ROBO2: variants seen among roughly 807,000 people sequenced by gnomAD.
ROBO2 encodes roundabout guidance receptor 2.
A neutral mutation model predicts 160.8 loss-of-function variants in ROBO2; 53 were observed. The ratio of observed to expected loss-of-function variants is 0.33; its 90% CI spans 0.26 to 0.41. The LOEUF (loss-of-function observed/expected upper bound fraction) is 0.41, where lower values mean the gene tolerates loss of function less well. Among genes scored for constraint, ROBO2 ranks in the 10% least tolerant of loss-of-function variants. The probability of loss-of-function intolerance (pLI) is 1.00; values close to 1 mark genes in which losing one functional copy is unlikely to be tolerated. For missense variants in ROBO2, 1,577 were observed against 1,722.4 expected, an observed-to-expected ratio of 0.92 and a Z score of 1.49; for synonymous variants, 664 against 611.7, an observed-to-expected ratio of 1.09 and a Z score of -1.26.
Position 77,644,340 on chromosome 3 carries a change from G to A in ROBO2, c.3935-364G>A, listed in dbSNP as rs192867006. On this transcript the variant is annotated intron_variant, in intron 24 of 25. Transcript: ENST00000461745. ...AAACATGTTTCTTTAATCTTAATGG[G>A]AAAATTAAATTGGAGCCTCATTGAA... Among the ~76,000 whole-genome samples the A allele has an allele frequency of 1.7e-4, 26 of 152,194 alleles. No homozygotes were observed. In the East Asian group the frequency reaches 4.8e-3, roughly 28 times the overall value.
At chr3:76,237,607 T>A (rs1356636559) in intron 2 of ROBO2, among the ~76,000 whole-genome samples, 1 of 152,112 alleles carries the variant, frequency 6.6e-6, no homozygotes, top group East Asian at 1.9e-4. Flanking sequence ...AATAAATAAA[T>A]AAATACCTAC....
At chr3:77,499,545 A>T (rs1432728076) in intron 5 of ROBO2, among the ~76,000 whole-genome samples, 1 of 152,170 alleles carries the variant, frequency 6.6e-6, no homozygotes, top group Non-Finnish European at 1.5e-5. Flanking sequence ...ATGCTAAAAA[A>T]ATATAAAATA....
intron 2 of ROBO2, among the ~76,000 whole-genome samples, chr3:77,265,194 A>T (rs1361654406): frequency 6.6e-6 from 1 of 152,048 alleles, no homozygotes; most frequent in Non-Finnish European, 1.5e-5. Context: ...CATTATCCCC[A>T]TTTTCCAATT....
At chr3:77,159,960 C>T (rs1418556840) in intron 2 of ROBO2, among the ~76,000 whole-genome samples, 1 of 151,948 alleles carries the variant, frequency 6.6e-6, no homozygotes, top group Non-Finnish European at 1.5e-5. Flanking sequence ...TTTAGAAGTT[C>T]TTTGTTTCTT....
At chr3:76,852,319 G>C (rs1577045950) in intron 2 of ROBO2, among the ~76,000 whole-genome samples, 2 of 152,180 alleles carry the variant, frequency 1.3e-5, no homozygotes, top group African/African-American at 4.8e-5. Context: ...TAATTAAAGG[G>C]AGAGTATATT....
At chr3:77,437,668 T>A (rs1198773303) in intron 2 of ROBO2, among the ~76,000 whole-genome samples, 1 of 152,032 alleles carries the variant, frequency 6.6e-6, no homozygotes, top group Non-Finnish European at 1.5e-5. Context: ...ATCGTAAGCT[T>A]ACAGATAAGT....
chr3:76,092,413 G>A lies in ROBO2; in HGVS notation c.109+154811G>A, dbSNP rs9817029. The stretch of plus-strand genomic sequence containing the variant: ...TCTAAATAGCTAACCAATCATCAAG[G>A]AGTCTGGTATGTCATTTTCTCTTCA... On this transcript the variant is annotated intron_variant, in intron 2 of 26. Transcript: ENST00000487694. 7.0e-3 allele frequency among the ~76,000 whole-genome samples: 1,069 copies of A among 152,194 alleles called. 13 individuals are homozygous for A. The highest frequency in any genetic ancestry group is 0.025 in the African/African-American group (1,037 of 41,524).
At chr3:77,148,382 T>C (rs2077278915) in intron 2 of ROBO2, among the ~76,000 whole-genome samples, 1 of 152,230 alleles carries the variant, frequency 6.6e-6, no homozygotes, top group Non-Finnish European at 1.5e-5. Flanking sequence ...AGCCCAGTTA[T>C]TGGTAGGTAC....
chr3:77,422,442 C>T (rs150197690), intron 2 of ROBO2, among the ~76,000 whole-genome samples: 77 of 152,224 alleles, frequency 5.1e-4, no homozygotes, highest in African/African-American at 1.7e-3. Flanking sequence ...AATTGTTGCA[C>T]AAGGTGGGCC....
At chr3:77,533,314 G>T (rs1196310938) in intron 6 of ROBO2, among the ~76,000 whole-genome samples, 4 of 152,068 alleles carry the variant, frequency 2.6e-5, no homozygotes, top group Admixed American at 6.6e-5. Flanking sequence ...AGGTGTGTCA[G>T]TTTTCTATTG....
At chr3:76,182,607 A>G (rs1420886819) in intron 2 of ROBO2, among the ~76,000 whole-genome samples, 2 of 152,066 alleles carry the variant, frequency 1.3e-5, no homozygotes, top group African/African-American at 2.4e-5. Context: ...ACGGCTCCAT[A>G]TGGACTATTG....
chr3:76,934,725 G>A (rs1162939163), intron 2 of ROBO2, among the ~76,000 whole-genome samples: 3 of 144,956 alleles, frequency 2.1e-5, no homozygotes, highest in Non-Finnish European at 4.5e-5. Context: ...CCTGGTGACA[G>A]AGCGAGACTC....
At chr3:76,561,256 C>G (rs185475419) in intron 2 of ROBO2, among the ~76,000 whole-genome samples, 31 of 151,940 alleles carry the variant, frequency 2.0e-4, no homozygotes, top group African/African-American at 7.0e-4. Context: ...TTAATTTACT[C>G]AATGAGAAAT....
chr3:77,002,191 A>T (rs2061366186), intron 2 of ROBO2, among the ~76,000 whole-genome samples: 1 of 151,990 alleles, frequency 6.6e-6, no homozygotes, highest in Non-Finnish European at 1.5e-5. Context: ...TATCTCTTTC[A>T]TGTTCCAGAA....
intron 2 of ROBO2, among the ~76,000 whole-genome samples, chr3:77,445,795 T>G (rs1289517200): frequency 4.3e-4 from 23 of 53,378 alleles, no homozygotes; most frequent in African/African-American, 1.2e-3. Flanking sequence ...TTTTTTTTTG[T>G]TTTTTTTTTT....
intron 2 of ROBO2, among the ~76,000 whole-genome samples, chr3:76,112,601 T>C (rs1334757713): frequency 6.6e-6 from 1 of 152,040 alleles, no homozygotes; most frequent in Non-Finnish European, 1.5e-5. Context: ...TGTTTAAGAG[T>C]GTAATTTGTC....
At chr3:76,569,599 TA>T in intron 2 of ROBO2, among the ~76,000 whole-genome samples, 1 of 152,154 alleles carries the variant, frequency 6.6e-6, no homozygotes, top group Admixed American at 6.5e-5. Context: ...GATTCAGTAA[TA>T]TTTTAATAAA....
At chr3:76,733,657 T>G (rs2093668018) in intron 2 of ROBO2, among the ~76,000 whole-genome samples, 1 of 152,258 alleles carries the variant, frequency 6.6e-6, no homozygotes, top group Admixed American at 6.5e-5. Flanking sequence ...AGGTAATTCC[T>G]GTTACAGTTT....
intron 21 of ROBO2, 22 bp downstream of exon 22, chr3:77,607,976 G>C (rs2094558538): frequency 1.2e-6 from 2 of 1,612,920 alleles, no homozygotes; most frequent in Non-Finnish European, 1.7e-6. Flanking sequence ...TTATATACTA[G>C]CAAAATGGCC....
Sources: allele counts gnomAD v4.1 joint callset (sites outside exome capture counted in the v4.1 genomes callset), GRCh38; gene constraint gnomAD v4.1.1; transcripts MANE v1.5; gene names NCBI Gene and HGNC (gene_info 2026-07-23, HGNC 2026-07-21).